Variants in RABGAP1L observed in about 807,000 individuals in gnomAD.
RABGAP1L encodes the protein rab GTPase-activating protein 1-like.
RABGAP1L carries 63 observed loss-of-function variants against 137.7 expected under a neutral mutation model. The observed-to-expected ratio is 0.46, with a 90% CI of 0.37 to 0.56. The LOEUF is 0.56. RABGAP1L is among the 20% of genes least tolerant of loss of function. RABGAP1L has a pLI of 0.00. For synonymous variants in RABGAP1L, 431 were observed against 433.7 expected (o/e 0.99, Z 0.08); for missense variants, 1,095 against 1,244.0 (o/e 0.88, Z 1.80).
At chr1:174,781,940 C>T (rs1348319714) in intron 18 of RABGAP1L, among the ~76,000 whole-genome samples, 2 of 152,116 alleles carry the variant, frequency 1.3e-5, no homozygotes, top group African/African-American at 4.8e-5. Context: ...TGTTTTGGTA[C>T]CAGTACCATG....
At chr1:174,214,739 A>G (rs1669154917) in intron 1 of RABGAP1L, among the ~76,000 whole-genome samples, 1 of 152,226 alleles carries the variant, frequency 6.6e-6, no homozygotes, top group African/African-American at 2.4e-5. Context: ...CACTGGGGAA[A>G]GGACAGTCTG....
At chr1:174,873,033 G>T (rs535104209) in intron 19 of RABGAP1L, among the ~76,000 whole-genome samples, 1 of 151,962 alleles carries the variant, frequency 6.6e-6, no homozygotes, top group African/African-American at 2.4e-5. Flanking sequence ...TCTATATGGG[G>T]GTTGCAGAAG....
intron 13 of RABGAP1L, among the ~76,000 whole-genome samples, chr1:174,416,662 A>T (rs1650629151): frequency 6.6e-6 from 1 of 152,114 alleles, no homozygotes; most frequent in African/African-American, 2.4e-5. Context: ...CGTGTTTGTC[A>T]TGCAAGATGA....
chr1:174,663,560 G>A (rs968473688), intron 14 of RABGAP1L, among the ~76,000 whole-genome samples: 1 of 152,128 alleles, frequency 6.6e-6, no homozygotes, highest in Admixed American at 6.5e-5. Flanking sequence ...TATTCCTGTC[G>A]TTAAGGAAGG....
intron 13 of RABGAP1L, among the ~76,000 whole-genome samples, chr1:174,566,824 T>C (rs939817666): frequency 2.6e-5 from 4 of 152,140 alleles, no homozygotes; most frequent in Non-Finnish European, 5.9e-5. Context: ...TTTACAGTTA[T>C]GATAGTTTTC....
chr1:174,418,546 T>C (rs1263685684), intron 13 of RABGAP1L, among the ~76,000 whole-genome samples: 2 of 152,086 alleles, frequency 1.3e-5, no homozygotes, highest in Non-Finnish European at 2.9e-5. Context: ...AGCAGTGGAG[T>C]GTCCTTGAAA....
chr1:174,721,478 C>T (rs1681535069), intron 17 of RABGAP1L, among the ~76,000 whole-genome samples: 1 of 152,134 alleles, frequency 6.6e-6, no homozygotes, highest in Non-Finnish European at 1.5e-5. Context: ...CTTTCTTGGT[C>T]ATGTGTTACT....
At chr1:174,527,936 A>G (rs1664053973) in intron 13 of RABGAP1L, among the ~76,000 whole-genome samples, 2 of 127,454 alleles carry the variant, frequency 1.6e-5, no homozygotes, top group Non-Finnish European at 1.6e-5. Context: ...TTTTGACTCA[A>G]TGTCTGTTTT....
chr1:174,226,511 G>A (rs992332931), intron 3 of RABGAP1L, among the ~76,000 whole-genome samples: 1 of 151,922 alleles, frequency 6.6e-6, no homozygotes, highest in Non-Finnish European at 1.5e-5. Context: ...AATTGTAACA[G>A]GCTTATCACT....
intron 19 of RABGAP1L, among the ~76,000 whole-genome samples, chr1:174,943,571 C>T (rs1666240465): frequency 6.6e-6 from 1 of 152,212 alleles, no homozygotes; most frequent in African/African-American, 2.4e-5. Flanking sequence ...TGCGGTGGCT[C>T]ATGCCTGTAA....
At chr1:174,974,005 T>C (rs953418612) in intron 21 of RABGAP1L, among the ~76,000 whole-genome samples, 13 of 123,874 alleles carry the variant, frequency 1.0e-4, no homozygotes, top group South Asian at 2.8e-4. Flanking sequence ...TTTTTTTTTT[T>C]TGAGACGGAG....
chr1:174,196,909 CTTAGTA>C (rs1160016250), intron 1 of RABGAP1L, among the ~76,000 whole-genome samples: 1 of 151,960 alleles, frequency 6.6e-6, no homozygotes, highest in Non-Finnish European at 1.5e-5. Flanking sequence ...TCTCTGCCAG[CTTAGTA>C]TTAGTCTTAG....
intron 18 of RABGAP1L, among the ~76,000 whole-genome samples, chr1:174,752,572 G>C (rs80129945): frequency 0.021 from 3,176 of 151,514 alleles, 121 homozygotes; most frequent in African/African-American, 0.074. Context: ...TTATTTAATG[G>C]TACTATCATA....
intron 13 of RABGAP1L, among the ~76,000 whole-genome samples, chr1:174,467,625 A>G (rs1002747968): frequency 6.6e-6 from 1 of 152,178 alleles, no homozygotes; most frequent in Admixed American, 6.5e-5. Flanking sequence ...TATTCATGTT[A>G]TATAATATGT....
intron 13 of RABGAP1L, among the ~76,000 whole-genome samples, chr1:174,622,687 C>T (rs1250667868): frequency 1.3e-5 from 2 of 152,140 alleles, no homozygotes; most frequent in Non-Finnish European, 2.9e-5. Flanking sequence ...GGGAACATCA[C>T]ACTCCGGGGT....
intron 1 of RABGAP1L, among the ~76,000 whole-genome samples, chr1:174,210,197 A>G (rs1206829294): frequency 6.6e-6 from 1 of 152,196 alleles, no homozygotes; most frequent in Admixed American, 6.5e-5. Context: ...CCAGACGCAG[A>G]TGAACATCGA....
chr1:174,313,108 T>C (rs1679017374), intron 11 of RABGAP1L, among the ~76,000 whole-genome samples: 1 of 152,120 alleles, frequency 6.6e-6, no homozygotes, highest in Non-Finnish European at 1.5e-5. Flanking sequence ...TTTGTAGTTT[T>C]AGTAGAGACG....
intron 11 of RABGAP1L, among the ~76,000 whole-genome samples, chr1:174,330,475 C>T (rs1425314530): frequency 6.6e-6 from 1 of 152,088 alleles, no homozygotes; most frequent in Non-Finnish European, 1.5e-5. Flanking sequence ...GTCCCAGCTA[C>T]TCAGGAGACT....
intron 19 of RABGAP1L, among the ~76,000 whole-genome samples, chr1:174,895,417 CTT>C (rs36080842): frequency 5.7e-4 from 76 of 133,324 alleles, no homozygotes; most frequent in Admixed American, 5.2e-4. Flanking sequence ...TATTCTAATT[CTT>C]TTTTTTTTTT....
Sources: allele counts gnomAD v4.1 joint callset (sites outside exome capture counted in the v4.1 genomes callset), GRCh38; gene constraint gnomAD v4.1.1; transcripts MANE v1.5; gene names NCBI Gene and HGNC (gene_info 2026-07-23, HGNC 2026-07-21).